The following TAMM41 variants were observed in gnomAD, a reference collection of about 807,000 sequenced individuals.
TAMM41 encodes the protein phosphatidate cytidylyltransferase, mitochondrial.
TAMM41 carries 36 observed loss-of-function variants against 44.1 expected under a neutral mutation model. The observed-to-expected ratio is 0.82, with a 90% CI of 0.63 to 1.08. The LOEUF (loss-of-function observed/expected upper bound fraction) is 1.08. Ranked by LOEUF, TAMM41 falls within the 50% of genes least tolerant of loss-of-function variation. TAMM41 has a pLI of 0.00. For synonymous variants in TAMM41, 164 were observed against 153.1 expected, an observed-to-expected ratio of 1.07 and a Z score of -0.53; for missense variants, 417 against 404.3, an observed-to-expected ratio of 1.03 and a Z score of -0.27.
the TAMM41 span, among the ~76,000 whole-genome samples, chr3:11,729,521 CTTTCTTTTCTTTCTTTCATTT>C: frequency 3.8e-4 from 36 of 93,992 alleles, 4 homozygotes; most frequent in East Asian, 9.4e-3. Flanking sequence ...TTCTTTCTTT[CTTTCTTTTCTTTCTTTCATTT>C]TTTTTTTTTT....
chr3:11,783,205 A>G, the TAMM41 span, among the ~76,000 whole-genome samples: 2 of 152,232 alleles, frequency 1.3e-5, no homozygotes, highest in African/African-American at 4.8e-5. Context: ...GAGGCAGCTC[A>G]TCAGTGCTGG....
At chr3:11,783,175 T>C in the TAMM41 span, among the ~76,000 whole-genome samples, 1 of 152,230 alleles carries the variant, frequency 6.6e-6, no homozygotes, top group Non-Finnish European at 1.5e-5. Context: ...TGGGCTCTGA[T>C]ATTATTGCAC....
chr3:11,833,265 T>G, intron 3 of TAMM41: 1 of 829,476 alleles, frequency 1.2e-6, no homozygotes, highest in Non-Finnish European at 1.5e-6. Flanking sequence ...AGGAAAATCT[T>G]TACTGTAGAG....
the TAMM41 span, among the ~76,000 whole-genome samples, chr3:11,739,093 C>A: frequency 6.6e-6 from 1 of 152,188 alleles, no homozygotes; most frequent in African/African-American, 2.4e-5. Flanking sequence ...GTATGCAGGG[C>A]AGTTCCCTCT....
intron 4 of TAMM41, among the ~76,000 whole-genome samples, chr3:11,821,247 C>T (rs1281898802): frequency 6.6e-6 from 1 of 152,178 alleles, no homozygotes; most frequent in Non-Finnish European, 1.5e-5. Context: ...GTTATTATTA[C>T]ATTGTAATAT....
the TAMM41 span, among the ~76,000 whole-genome samples, chr3:11,732,732 G>A: frequency 3.3e-5 from 5 of 152,130 alleles, no homozygotes; most frequent in East Asian, 1.9e-4. Flanking sequence ...GGAGACAGCC[G>A]TGCCACAATC....
the TAMM41 span, among the ~76,000 whole-genome samples, chr3:11,726,811 AAAAAAAAG>A: frequency 1.3e-5 from 2 of 151,850 alleles, no homozygotes; most frequent in South Asian, 2.1e-4. Flanking sequence ...AAAAAAAAAA[AAAAAAAAG>A]AAAAAAGAAA....
At chr3:11,792,897 T>C (rs2077513297) in intron 7 of TAMM41, among the ~76,000 whole-genome samples, 1 of 151,634 alleles carries the variant, frequency 6.6e-6, no homozygotes, top group Admixed American at 6.6e-5. Context: ...CCGTCTCTAC[T>C]AAAAATACAA....
the TAMM41 span, among the ~76,000 whole-genome samples, chr3:11,776,485 G>GAC: frequency 2.6e-3 from 399 of 152,208 alleles, 20 homozygotes; most frequent in East Asian, 0.069. Flanking sequence ...GACATGTCTA[G>GAC]ACACACAGTG....
the TAMM41 span, among the ~76,000 whole-genome samples, chr3:11,782,691 T>C: frequency 2.0e-5 from 3 of 152,248 alleles, no homozygotes; most frequent in Non-Finnish European, 4.4e-5. Context: ...TTTTATACAG[T>C]CCACTAGTTC....
chr3:11,785,998 C>G (rs529952357), downstream of TAMM41, among the ~76,000 whole-genome samples: 1 of 152,248 alleles, frequency 6.6e-6, no homozygotes, highest in African/African-American at 2.4e-5. Context: ...GACTTGTATA[C>G]AGTATCTAAT....
the TAMM41 span, among the ~76,000 whole-genome samples, chr3:11,780,576 A>G: frequency 2.0e-4 from 30 of 152,308 alleles, no homozygotes; most frequent in East Asian, 4.4e-3. Context: ...TCATGCATGT[A>G]ATAGGGAATA....
chr3:11,724,835 C>T, the TAMM41 span: 1 of 152,266 alleles, frequency 6.6e-6, no homozygotes, highest in Non-Finnish European at 1.5e-5. Flanking sequence ...ATCGACTGCA[C>T]AGCTTCTCAG....
intron 7 of TAMM41, among the ~76,000 whole-genome samples, chr3:11,792,556 T>G (rs976725579): frequency 3.7e-4 from 57 of 152,216 alleles, no homozygotes; most frequent in African/African-American, 1.3e-3. Flanking sequence ...ACAGGGATCC[T>G]GGACTTGCAA....
In TAMM41 at chr3:11,791,490, T is replaced by C. The variant is rs144804219; in HGVS notation, c.938-909A>G. Among the ~76,000 whole-genome samples, 385 of 152,350 alleles carry C rather than the reference T, an allele frequency of 2.5e-3. 2 individuals carry two copies. Among genetic ancestry groups the C allele is most frequent in the African/African-American group, 8.9e-3 (371 of 41,564 alleles). On this transcript the variant is annotated intron_variant, in intron 7 of 7. Transcript: ENST00000455809. ...TTCCTTTGTGTTGAGGGTGGGATCA[T>C]TCAGTTTGTGTTTCAGGGTGTGGCC...
At chr3:11,822,019 T>C (rs1199940228) in intron 4 of TAMM41, among the ~76,000 whole-genome samples, 1 of 152,176 alleles carries the variant, frequency 6.6e-6, no homozygotes, top group East Asian at 1.9e-4. Context: ...ATATGAAACA[T>C]AAATGAACTT....
the TAMM41 span, among the ~76,000 whole-genome samples, chr3:11,781,289 A>G: frequency 6.6e-6 from 1 of 152,204 alleles, no homozygotes; most frequent in African/African-American, 2.4e-5. Flanking sequence ...ATTTAGGCAG[A>G]TGTCCTGTAG....
At chr3:11,810,514 A>AT (rs1164843637) in intron 5 of TAMM41, among the ~76,000 whole-genome samples, 1 of 152,226 alleles carries the variant, frequency 6.6e-6, no homozygotes, top group African/African-American at 2.4e-5. Context: ...AAAATCTTGT[A>AT]AACATTGATT....
chr3:11,727,455 ACAGAT>A, the TAMM41 span, among the ~76,000 whole-genome samples: 82 of 152,284 alleles, frequency 5.4e-4, no homozygotes, highest in African/African-American at 2.0e-3. Flanking sequence ...CTGCTTGCTT[ACAGAT>A]GTTACTATTA....
Sources: allele counts gnomAD v4.1 joint callset (sites outside exome capture counted in the v4.1 genomes callset), GRCh38; gene constraint gnomAD v4.1.1; transcripts MANE v1.5; gene names NCBI Gene and HGNC (gene_info 2026-07-23, HGNC 2026-07-21).